The following BOP1 variants were observed in gnomAD, a reference collection of about 807,000 sequenced individuals.
BOP1 encodes ribosome biogenesis protein BOP1.
A neutral mutation model predicts 82.9 loss-of-function variants in BOP1; 54 were observed. That is an observed-to-expected ratio of 0.65 (90% CI 0.52 to 0.82). The LOEUF is 0.82. Among genes scored for constraint, BOP1 ranks in the 40% least tolerant of loss-of-function variants. BOP1 has a pLI of 0.00. For missense variants in BOP1, 1,170 were observed against 1,072.0 expected (o/e 1.09, Z -1.28); for synonymous variants, 566 against 451.1 (o/e 1.25, Z -3.23).
intron 3 of BOP1, among the ~76,000 whole-genome samples, chr8:144,271,454 C>T (rs1845491253): frequency 6.6e-6 from 1 of 152,120 alleles, no homozygotes; most frequent in African/African-American, 2.4e-5. Flanking sequence ...CTTCCCCAGC[C>T]CCTCTCCGAT....
chr8:144,286,991 G>T (rs928822791), intron 2 of BOP1, among the ~76,000 whole-genome samples: 14 of 152,214 alleles, frequency 9.2e-5, no homozygotes, highest in African/African-American at 3.4e-4. Context: ...TCAAGTACTT[G>T]GATATGTTAT....
intron 3 of BOP1, chr8:144,268,363 TG>T: frequency 1.6e-6 from 1 of 610,236 alleles, no homozygotes; most frequent in Non-Finnish European, 2.9e-6. Flanking sequence ...CCGGGCCCAC[TG>T]GAACTTTCTG....
In BOP1 at chr8:144,263,834, G is replaced by A. The variant is rs1253286630; in HGVS notation, c.1218C>T (p.Ala406=). The A allele has an allele frequency of 3.7e-6, 6 of 1,611,160 alleles. No individual in the cohort carries two copies. In the Admixed American group the frequency reaches 8.3e-5, roughly 22 times the overall value. The change falls in exon 9 of 16, where the codon GCC becomes GCT. Residue 406 remains alanine, a synonymous_variant. Coordinates refer to ENST00000569669, the MANE Select transcript of BOP1 (RefSeq NM_015201.5). Reference sequence around the variant, plus strand: ...CAGCCCCCTAGTCTCCACTTACCAGGGCCTGGCACGTGGGGAAGGGCTGCA... The same window carrying A: ...CAGCCCCCTAGTCTCCACTTACCAGAGCCTGGCACGTGGGGAAGGGCTGCA... ...RDLQPFPTCQ[A]LVYRGHSDLV...
intron 2 of BOP1, among the ~76,000 whole-genome samples, chr8:144,277,805 G>GGTGCAGGCAGGGGCGGTGCA (rs1845591887): frequency 1.8e-5 from 1 of 55,666 alleles, no homozygotes. Flanking sequence ...GGGGCGGTGC[G>GGTGCAGGCAGGGGCGGTGCA]GGCAGGGGCG....
intron 3 of BOP1, chr8:144,265,832 G>A (rs1288500307): frequency 6.5e-6 from 1 of 153,040 alleles, no homozygotes; most frequent in Non-Finnish European, 1.5e-5. Context: ...GGGTATGTGT[G>A]TGCTTCCTGA....
At chr8:144,266,431 G>A (rs1159916893) in intron 3 of BOP1, 1 of 879,952 alleles carries the variant, frequency 1.1e-6, no homozygotes, top group South Asian at 5.2e-5. Context: ...CGCTATAAAG[G>A]CGCAGCTCGG....
chr8:144,268,307 C>G, intron 3 of BOP1: 1 of 991,210 alleles, frequency 1.0e-6, no homozygotes, highest in South Asian at 1.6e-5. Flanking sequence ...GACGGACGTA[C>G]AGACAGGCGC....
At chr8:144,266,783 G>A in intron 3 of BOP1, 4 of 1,103,712 alleles carry the variant, frequency 3.6e-6, no homozygotes, top group Non-Finnish European at 4.4e-6. Flanking sequence ...CGGAGGGCGG[G>A]GGGCCGGCGG....
At chr8:144,281,106 C>CCTTCTCTCACTTTCATACCAGGTCTTA (rs1845669560) in intron 2 of BOP1, among the ~76,000 whole-genome samples, 1 of 79,776 alleles carries the variant, frequency 1.3e-5, no homozygotes, top group Admixed American at 1.3e-4. Flanking sequence ...ACCAGGTCTT[C>CCTTCTCTCACTTTCATACCAGGTCTTA]GGCCTTCTCT....
chr8:144,279,228 G>A (rs979153098), intron 2 of BOP1, among the ~76,000 whole-genome samples: 3 of 151,688 alleles, frequency 2.0e-5, no homozygotes, highest in Non-Finnish European at 4.4e-5. Context: ...TGCGTGCCAC[G>A]ACCGCCACAG....
In BOP1 at chr8:144,263,603, G is replaced by A; in HGVS notation, c.1299C>T (p.Asp433=). Residue 433 remains aspartate (D), a synonymous_variant, in exon 11 of 16, where the codon GAC becomes GAT. Transcript: ENST00000569669. The part of the protein sequence containing the change: ...PGGQWLVSGS[D]DGSLRLWEVA... ...CCTCCCAGAGCCGCAGGGAGCCGTC[G>A]TCAGAGCCTGGATGCGGCAGAGACA... The A allele has an allele frequency of 1.9e-5, 31 of 1,607,494 alleles. No homozygotes were observed. The highest frequency in any genetic ancestry group is 3.3e-5 in the Admixed American group (2 of 59,974).
At chr8:144,274,830 G>A (rs1488412185) in intron 3 of BOP1, among the ~76,000 whole-genome samples, 4 of 152,246 alleles carry the variant, frequency 2.6e-5, no homozygotes, top group African/African-American at 7.2e-5. Context: ...TCCGCGCTCC[G>A]TTTACAATCA....
At chr8:144,272,744 C>T (rs1358953725) in intron 3 of BOP1, among the ~76,000 whole-genome samples, 1 of 152,262 alleles carries the variant, frequency 6.6e-6, no homozygotes, top group East Asian at 1.9e-4. Flanking sequence ...GCCCAGGGTA[C>T]CCCCATGAGG....
At chr8:144,270,376 G>A (rs1267584387) in intron 3 of BOP1, among the ~76,000 whole-genome samples, 1 of 152,154 alleles carries the variant, frequency 6.6e-6, no homozygotes, top group Non-Finnish European at 1.5e-5. Context: ...AAAGTGAACA[G>A]GGAACAACGA....
intron 2 of BOP1, among the ~76,000 whole-genome samples, chr8:144,288,883 A>C (rs565637318): frequency 1.5e-3 from 231 of 152,330 alleles, no homozygotes; most frequent in Admixed American, 4.6e-3. Context: ...GGGCCTAGGC[A>C]TGTGGATTTT....
intron 3 of BOP1, among the ~76,000 whole-genome samples, chr8:144,270,262 G>A (rs1554837630): frequency 6.6e-6 from 1 of 152,222 alleles, no homozygotes; most frequent in African/African-American, 2.4e-5. Context: ...GTGCGGGCCA[G>A]CATGGGGAGG....
Position 144,263,561 on chromosome 8 carries a change from A to G in BOP1, c.1341T>C (p.Cys447=). The change falls in exon 11 of 16, where the codon TGT becomes TGC. Residue 447 remains cysteine, a synonymous_variant. Transcript: ENST00000569669. ...LRLWEVATAR[C]VRTVPVGGVV... ...CGCCCCCCACGGGAACAGTCCTCAC[A>G]CAGCGGGCAGTGGCCACCTCCCAGA... 2 of 1,602,192 alleles carry G rather than the reference A, an allele frequency of 1.2e-6. No individual in the cohort carries two copies. The highest frequency in any genetic ancestry group is 1.7e-6 in the Non-Finnish European group (2 of 1,179,732).
intron 2 of BOP1, among the ~76,000 whole-genome samples, chr8:144,286,663 C>T (rs1348885071): frequency 6.6e-6 from 1 of 152,058 alleles, no homozygotes; most frequent in Non-Finnish European, 1.5e-5. Flanking sequence ...ATGAGCGCCA[C>T]AACAGGGCAG....
intron 3 of BOP1, among the ~76,000 whole-genome samples, chr8:144,275,772 G>C (rs938540780): frequency 1.8e-3 from 281 of 152,230 alleles, no homozygotes; most frequent in African/African-American, 6.5e-3. Flanking sequence ...CCCTGGCCCT[G>C]TTCTGCCCGC....
Sources: gnomAD v4.1 joint callset for allele counts (sites outside exome capture counted in the v4.1 genomes callset) on GRCh38, gnomAD v4.1.1 for gene constraint, MANE v1.5 for transcripts, NCBI Gene and HGNC (gene_info 2026-07-23, HGNC 2026-07-21) for gene names.